Variants in KMT2C observed in about 807,000 individuals in gnomAD.
KMT2C encodes the protein histone-lysine N-methyltransferase 2C.
Under a neutral mutation model 507.9 loss-of-function variants are expected in KMT2C, and 88 were observed. The observed-to-expected ratio is 0.17, with a 90% CI of 0.15 to 0.21. The LOEUF (loss-of-function observed/expected upper bound fraction) is 0.21. KMT2C is among the 10% of genes least tolerant of loss of function. KMT2C has a pLI of 1.00. For synonymous variants in KMT2C, 2,049 were observed against 2,080.8 expected (o/e 0.98, Z 0.42); for missense variants, 4,954 against 5,957.8 (o/e 0.83, Z 5.55).
At chr7:152,365,615 G>A (rs2097236548) in intron 1 of KMT2C, among the ~76,000 whole-genome samples, 2 of 152,134 alleles carry the variant, frequency 1.3e-5, no homozygotes, top group South Asian at 4.1e-4. Context: ...TGAATTCCTG[G>A]TCTCAAGCGA....
intron 6 of KMT2C, among the ~76,000 whole-genome samples, chr7:152,283,892 A>G (rs983908864): frequency 7.9e-5 from 12 of 152,308 alleles, no homozygotes; most frequent in African/African-American, 2.9e-4. Context: ...ATGCATCAAA[A>G]GAGTATTTAT....
chr7:152,254,270 T>C (rs1298362729), intron 9 of KMT2C, among the ~76,000 whole-genome samples: 3 of 151,932 alleles, frequency 2.0e-5, no homozygotes, highest in African/African-American at 7.3e-5. Context: ...TACACATATA[T>C]TTTTTAAAAG....
chr7:152,357,444 A>T (rs1440788806), intron 2 of KMT2C, among the ~76,000 whole-genome samples: 2 of 152,068 alleles, frequency 1.3e-5, no homozygotes, highest in Non-Finnish European at 2.9e-5. Context: ...GAATGGCATG[A>T]ACCTGTGAAT....
chr7:152,310,179 T>C (rs902558155), intron 5 of KMT2C, 104 bp from the exon 6 acceptor site: 5 of 722,660 alleles, frequency 6.9e-6, no homozygotes, highest in Admixed American at 5.2e-5. Flanking sequence ...TATGTAAATA[T>C]ACAATGGCAT....
intron 31 of KMT2C, among the ~76,000 whole-genome samples, chr7:152,192,372 C>T (rs1202320294): frequency 6.6e-6 from 1 of 151,990 alleles, no homozygotes; most frequent in Non-Finnish European, 1.5e-5. Flanking sequence ...GAAACCCCGT[C>T]TCTACTAAAA....
intron 2 of KMT2C, among the ~76,000 whole-genome samples, chr7:152,336,897 C>G (rs966937448): frequency 9.2e-5 from 14 of 152,178 alleles, no homozygotes; most frequent in African/African-American, 2.7e-4. Context: ...AACTGCAACC[C>G]TGGGATAAGG....
rs572673669 is a variant in KMT2C, at chr7:152,221,858, T to C, written c.3499+143A>G. 1.7e-5 allele frequency: 11 copies of C among 639,038 alleles called. No homozygotes were observed. In the East Asian group the frequency reaches 2.5e-4, roughly 15 times the overall value. The allele number at this position is 639,038 out of a possible 1,614,324, so 39.6% of individuals were successfully genotyped here. A position where few individuals can be genotyped will look rare whatever the true frequency, so the allele number is the denominator to read the frequency against. ...GTAAAGCTGGATGACATTTTATATA[T>C]CATTGTGGAAATGATTACCAACATT... On this transcript the variant is annotated intron_variant, in intron 22 of 58. Coordinates refer to ENST00000262189, the MANE Select transcript of KMT2C (RefSeq NM_170606.3).
intron 42 of KMT2C, among the ~76,000 whole-genome samples, chr7:152,166,123 A>ATTTT (rs1190668716): frequency 2.9e-5 from 4 of 135,938 alleles, no homozygotes; most frequent in African/African-American, 8.3e-5. Flanking sequence ...GAGCACTCAC[A>ATTTT]TTTTTTTTTT....
At chr7:152,347,873 G>A (rs971529264) in intron 2 of KMT2C, among the ~76,000 whole-genome samples, 1 of 151,912 alleles carries the variant, frequency 6.6e-6, no homozygotes, top group Non-Finnish European at 1.5e-5. Flanking sequence ...GAATCTCCAC[G>A]AAAAATTTCC....
chr7:152,202,857 A>T (rs1446316980), intron 26 of KMT2C, 77 bp downstream of exon 26: 2 of 1,183,810 alleles, frequency 1.7e-6, no homozygotes, highest in African/African-American at 1.6e-5. Flanking sequence ...AAAACAACAA[A>T]CCTATGTTTT....
intron 1 of KMT2C, among the ~76,000 whole-genome samples, chr7:152,434,823 A>C (rs914989618): frequency 1.3e-5 from 2 of 152,154 alleles, no homozygotes; most frequent in Admixed American, 1.3e-4. Flanking sequence ...CCTATTCCCA[A>C]GCCCCTTACA....
chr7:152,197,262 T>C (rs1037632733), intron 27 of KMT2C, among the ~76,000 whole-genome samples: 3 of 152,128 alleles, frequency 2.0e-5, no homozygotes, highest in African/African-American at 7.2e-5. Flanking sequence ...TCAAGGAGGA[T>C]TCTACGGGTT....
intron 39 of KMT2C, among the ~76,000 whole-genome samples, chr7:152,173,754 T>C (rs1217364612): frequency 6.6e-6 from 1 of 152,210 alleles, no homozygotes. Context: ...GAACTGAATT[T>C]ATAATTGCTT....
intron 9 of KMT2C, among the ~76,000 whole-genome samples, chr7:152,255,157 A>ATATATATGTGTGTGTG (rs767823858): frequency 2.3e-5 from 3 of 128,376 alleles, no homozygotes; most frequent in African/African-American, 6.1e-5. Context: ...ATATATATAT[A>ATATATATGTGTGTGTG]TGTGTGTGTG....
intron 55 of KMT2C, among the ~76,000 whole-genome samples, chr7:152,140,883 A>G (rs1350252806): frequency 6.6e-6 from 1 of 152,216 alleles, no homozygotes; most frequent in Non-Finnish European, 1.5e-5. Context: ...AGAACACACA[A>G]AAAGTATGTA....
chr7:152,376,170 AATG>A (rs2129244744), intron 1 of KMT2C, among the ~76,000 whole-genome samples: 1 of 152,238 alleles, frequency 6.6e-6, no homozygotes, highest in Admixed American at 6.5e-5. Context: ...GCTAACATAT[AATG>A]TGTGTTCTGA....
chr7:152,281,750 A>C (rs2096215510), intron 6 of KMT2C, among the ~76,000 whole-genome samples: 1 of 151,988 alleles, frequency 6.6e-6, no homozygotes, highest in Non-Finnish European at 1.5e-5. Context: ...AAACAAAAAA[A>C]AAAAGAAATT....
intron 3 of KMT2C, among the ~76,000 whole-genome samples, chr7:152,327,871 T>C (rs1425569542): frequency 2.1e-5 from 3 of 143,418 alleles, no homozygotes; most frequent in Non-Finnish European, 3.0e-5. Context: ...GGCAGAAGAA[T>C]GGCGTGAACC....
intron 14 of KMT2C, among the ~76,000 whole-genome samples, chr7:152,245,127 GT>G (rs1169876280): frequency 6.6e-6 from 1 of 152,164 alleles, no homozygotes; most frequent in East Asian, 1.9e-4. Context: ...GCAACAAATG[GT>G]TTAGCAATTA....
Sources: gnomAD v4.1 joint callset for allele counts (sites outside exome capture counted in the v4.1 genomes callset) on GRCh38, gnomAD v4.1.1 for gene constraint, MANE v1.5 for transcripts, NCBI Gene and HGNC (gene_info 2026-07-23, HGNC 2026-07-21) for gene names.